CTNNA3: variants seen among roughly 807,000 people sequenced by gnomAD.
The protein encoded by CTNNA3 is catenin alpha 3.
In CTNNA3, 76 loss-of-function variants were observed where a neutral mutation model predicts 95.7. The ratio of observed to expected loss-of-function variants is 0.79; its 90% confidence interval spans 0.66 to 0.96. The LOEUF (loss-of-function observed/expected upper bound fraction) is 0.96, where lower values mean the gene tolerates loss of function less well. Ranked by LOEUF, CTNNA3 falls within the 40% of genes least tolerant of loss-of-function variation. The pLI is 0.00. For missense variants in CTNNA3, 1,191 were observed against 1,089.8 expected, an observed-to-expected ratio of 1.09 and a Z score of -1.31; for synonymous variants, 431 against 374.4, an observed-to-expected ratio of 1.15 and a Z score of -1.74.
At chr10:66,480,132 C>A (rs79918937) in intron 11 of CTNNA3, among the ~76,000 whole-genome samples, 2 of 152,194 alleles carry the variant, frequency 1.3e-5, no homozygotes, top group African/African-American at 4.8e-5. Flanking sequence ...AGACAGTTTT[C>A]ATTTCCAAAG....
chr10:66,885,422 T>A (rs908582966), intron 7 of CTNNA3, among the ~76,000 whole-genome samples: 1 of 150,490 alleles, frequency 6.6e-6, no homozygotes. Context: ...TGAGCAACCA[T>A]ATCCTCCTGC....
At chr10:65,994,639 T>G (rs1186025689) in intron 15 of CTNNA3, among the ~76,000 whole-genome samples, 2 of 152,294 alleles carry the variant, frequency 1.3e-5, no homozygotes, top group African/African-American at 4.8e-5. Flanking sequence ...AACAAGAACT[T>G]TTTGAGTTGA....
chr10:66,121,360 T>C (rs2082563807), intron 13 of CTNNA3, among the ~76,000 whole-genome samples: 1 of 152,172 alleles, frequency 6.6e-6, no homozygotes, highest in African/African-American at 2.4e-5. Flanking sequence ...TAGAAATAGG[T>C]ATTTCTTTAT....
intron 7 of CTNNA3, among the ~76,000 whole-genome samples, chr10:67,054,024 A>T (rs1855276121): frequency 6.6e-6 from 1 of 152,142 alleles, no homozygotes; most frequent in African/African-American, 2.4e-5. Context: ...GAGCCCACTG[A>T]CCAGTTTCCT....
chr10:66,303,164 A>C (rs2091887431), intron 12 of CTNNA3, among the ~76,000 whole-genome samples: 1 of 152,182 alleles, frequency 6.6e-6, no homozygotes, highest in South Asian at 2.1e-4. Context: ...GATAAACACT[A>C]ACAACACTTC....
At chr10:66,511,361 A>G (rs2131992871) in intron 11 of CTNNA3, among the ~76,000 whole-genome samples, 1 of 151,348 alleles carries the variant, frequency 6.6e-6, no homozygotes, top group East Asian at 1.9e-4. Flanking sequence ...TTTGCCTCTA[A>G]TTTGTTTCAT....
intron 6 of CTNNA3, among the ~76,000 whole-genome samples, chr10:67,210,904 C>A (rs1405153976): frequency 6.6e-6 from 1 of 152,136 alleles, no homozygotes; most frequent in African/African-American, 2.4e-5. Context: ...GCAGTGCTCA[C>A]AAGTATGGTC....
At chr10:67,360,430 A>C (rs556179183) in intron 5 of CTNNA3, among the ~76,000 whole-genome samples, 1 of 151,918 alleles carries the variant, frequency 6.6e-6, no homozygotes, top group East Asian at 1.9e-4. Flanking sequence ...AAAAAAAAAA[A>C]AAAACAAGAA....
chr10:66,583,808 G>A (rs2132206671), intron 10 of CTNNA3, among the ~76,000 whole-genome samples: 1 of 151,636 alleles, frequency 6.6e-6, no homozygotes, highest in African/African-American at 2.4e-5. Flanking sequence ...TATTGATGTT[G>A]GCATTTTGCA....
chr10:67,406,150 C>T (rs1334069586), intron 5 of CTNNA3, among the ~76,000 whole-genome samples: 2 of 152,202 alleles, frequency 1.3e-5, no homozygotes, highest in East Asian at 3.8e-4. Context: ...AACATGCTTG[C>T]TTCCCCTTCT....
chr10:66,465,583 A>C (rs1838878725), intron 11 of CTNNA3, among the ~76,000 whole-genome samples: 2 of 152,128 alleles, frequency 1.3e-5, no homozygotes, highest in Admixed American at 6.6e-5. Flanking sequence ...ATGCTGAGGC[A>C]AGTTAATTTT....
chr10:67,351,346 A>C (rs1842630089), intron 5 of CTNNA3, among the ~76,000 whole-genome samples: 2 of 150,122 alleles, frequency 1.3e-5, no homozygotes, highest in African/African-American at 4.9e-5. Flanking sequence ...CAAAAAAGTC[A>C]ATTTTACTGT....
intron 15 of CTNNA3, among the ~76,000 whole-genome samples, chr10:66,052,737 T>C (rs1034831413): frequency 1.3e-5 from 2 of 152,056 alleles, no homozygotes; most frequent in African/African-American, 4.8e-5. Flanking sequence ...TTTTGTGTCA[T>C]ATGGACATGA....
rs1235057606 is a variant in CTNNA3, at chr10:67,446,366, G to T, written c.579+75476C>A. Among the ~76,000 whole-genome samples the T allele has an allele frequency of 2.6e-5, 4 of 152,002 alleles. No individual in the cohort carries two copies. In the East Asian group the frequency reaches 7.7e-4, roughly 29 times the overall value. ...CCGAACTCTCAATGCAGCAGATAGG[G>T]TTTCCTTCTAAAACCCCAAAGGAAT... On this transcript the variant is annotated intron_variant, in intron 5 of 17. Coordinates refer to ENST00000433211, the MANE Select transcript of CTNNA3 (RefSeq NM_013266.4).
intron 14 of CTNNA3, among the ~76,000 whole-genome samples, chr10:66,089,056 G>T (rs1338807027): frequency 6.6e-6 from 1 of 151,840 alleles, no homozygotes; most frequent in Non-Finnish European, 1.5e-5. Context: ...GTTTGCTTGG[G>T]TTTACCTTTT....
chr10:66,938,717 T>G (rs1847848850), intron 7 of CTNNA3, among the ~76,000 whole-genome samples: 1 of 152,214 alleles, frequency 6.6e-6, no homozygotes, highest in South Asian at 2.1e-4. Flanking sequence ...TGATTTAAAT[T>G]GCTTGTGTGT....
At chr10:66,558,412 T>C (rs895189202) in intron 10 of CTNNA3, among the ~76,000 whole-genome samples, 11 of 152,178 alleles carry the variant, frequency 7.2e-5, no homozygotes, top group Admixed American at 5.2e-4. Flanking sequence ...AAATAACTTA[T>C]ACTCTTTAAA....
At chr10:67,658,670 C>T (rs1589543657) in intron 1 of CTNNA3, among the ~76,000 whole-genome samples, 1 of 152,114 alleles carries the variant, frequency 6.6e-6, no homozygotes, top group African/African-American at 2.4e-5. Flanking sequence ...ATCTTGAGCC[C>T]TTTGAAATCA....
chr10:66,078,033 A>C (rs941752956), intron 14 of CTNNA3, among the ~76,000 whole-genome samples: 1 of 151,838 alleles, frequency 6.6e-6, no homozygotes, highest in African/African-American at 2.4e-5. Flanking sequence ...AGGAGATTCT[A>C]CTTGAGCTGT....
Sources: gnomAD v4.1 joint callset for allele counts (sites outside exome capture counted in the v4.1 genomes callset) on GRCh38, gnomAD v4.1.1 for gene constraint, MANE v1.5 for transcripts, NCBI Gene and HGNC (gene_info 2026-07-23, HGNC 2026-07-21) for gene names.